Variants in SV2C observed in about 807,000 individuals in gnomAD.
SV2C encodes synaptic vesicle glycoprotein 2C.
Under a neutral mutation model 79.7 loss-of-function variants are expected in SV2C, and 49 were observed. The observed-to-expected ratio is 0.61, with a 90% CI of 0.49 to 0.78. The LOEUF (loss-of-function observed/expected upper bound fraction) is 0.78. SV2C is among the 30% of genes least tolerant of loss of function. SV2C has a pLI of 0.00. For missense variants in SV2C, 833 were observed against 912.9 expected, an observed-to-expected ratio of 0.91 and a Z score of 1.13; for synonymous variants, 334 against 333.2, an observed-to-expected ratio of 1.00 and a Z score of -0.03.
At chr5:75,956,074 C>T in the SV2C span, among the ~76,000 whole-genome samples, 1 of 141,948 alleles carries the variant, frequency 7.0e-6, no homozygotes, top group Admixed American at 7.1e-5. Context: ...ATAAATCATG[C>T]TGCTATAAAG....
At chr5:76,318,116 C>A (rs958557374) in intron 12 of SV2C, among the ~76,000 whole-genome samples, 6 of 152,128 alleles carry the variant, frequency 3.9e-5, no homozygotes. Context: ...CTTTTCCCCA[C>A]CACCAACTAA....
chr5:76,120,829 T>C (rs1035993560), intron 1 of SV2C, among the ~76,000 whole-genome samples: 51 of 150,486 alleles, frequency 3.4e-4, no homozygotes, highest in African/African-American at 1.1e-3. Context: ...AATAAACATA[T>C]GTGTGCATGT....
the SV2C span, among the ~76,000 whole-genome samples, chr5:76,049,024 A>AAAAAGAG: frequency 2.5e-5 from 3 of 120,520 alleles, no homozygotes; most frequent in Middle Eastern, 3.4e-3. Context: ...AGAAAGAAAG[A>AAAAAGAG]AAAAGAAAAG....
chr5:76,050,780 T>A, the SV2C span, among the ~76,000 whole-genome samples: 6 of 152,210 alleles, frequency 3.9e-5, no homozygotes. Flanking sequence ...CTGTAACAAT[T>A]CAGAATTGTA....
the SV2C span, among the ~76,000 whole-genome samples, chr5:75,974,153 T>G: frequency 6.6e-6 from 1 of 152,034 alleles, no homozygotes; most frequent in Non-Finnish European, 1.5e-5. Flanking sequence ...CCTGAGTTAA[T>G]GATGAGGTTT....
chr5:75,996,734 C>A, the SV2C span, among the ~76,000 whole-genome samples: 6 of 151,832 alleles, frequency 4.0e-5, no homozygotes, highest in African/African-American at 1.5e-4. Context: ...GTATTTTATT[C>A]TCTTTGAAGC....
At chr5:76,047,463 G>A in the SV2C span, among the ~76,000 whole-genome samples, 3 of 152,178 alleles carry the variant, frequency 2.0e-5, no homozygotes, top group Non-Finnish European at 4.4e-5. Flanking sequence ...TGTCTCCATG[G>A]AGTGAATAGA....
chr5:75,982,233 A>G, the SV2C span, among the ~76,000 whole-genome samples: 8 of 140,752 alleles, frequency 5.7e-5, no homozygotes, highest in African/African-American at 2.1e-4. Flanking sequence ...TTAAAAAAAT[A>G]AAAAGAAAAA....
the SV2C span, among the ~76,000 whole-genome samples, chr5:75,968,196 G>T: frequency 6.6e-6 from 1 of 151,976 alleles, no homozygotes. Flanking sequence ...AAAGACCAAA[G>T]CCACAAAGGT....
the SV2C span, among the ~76,000 whole-genome samples, chr5:76,026,821 C>T: frequency 1.2e-4 from 18 of 152,140 alleles, no homozygotes; most frequent in East Asian, 5.8e-4. Flanking sequence ...GGTGCTACAA[C>T]GGGAAAGATT....
At chr5:75,865,192 G>A in the SV2C span, among the ~76,000 whole-genome samples, 1 of 152,194 alleles carries the variant, frequency 6.6e-6, no homozygotes, top group African/African-American at 2.4e-5. Context: ...GTTATAAGCT[G>A]GGTCTATGAG....
chr5:76,077,084 A>G, the SV2C span, among the ~76,000 whole-genome samples: 6 of 152,246 alleles, frequency 3.9e-5, no homozygotes, highest in African/African-American at 1.4e-4. Flanking sequence ...AATAGTGGAT[A>G]AGTAGCAATA....
At chr5:75,861,429 C>T in the SV2C span, among the ~76,000 whole-genome samples, 1 of 152,178 alleles carries the variant, frequency 6.6e-6, no homozygotes, top group South Asian at 2.1e-4. Context: ...TTTCAAAGAA[C>T]TTAAAACAGA....
chr5:75,921,490 T>C, the SV2C span: 1 of 800,890 alleles, frequency 1.2e-6, no homozygotes. Flanking sequence ...GGGTTGAACT[T>C]AGGGTTCTTG....
At chr5:76,244,910 G>T (rs780410615) in intron 4 of SV2C, among the ~76,000 whole-genome samples, 9 of 152,232 alleles carry the variant, frequency 5.9e-5, no homozygotes, top group Non-Finnish European at 7.3e-5. Flanking sequence ...GTGGGGAAGT[G>T]AATACATTCA....
chr5:76,006,054 T>C, the SV2C span, among the ~76,000 whole-genome samples: 1 of 152,134 alleles, frequency 6.6e-6, no homozygotes, highest in East Asian at 1.9e-4. Context: ...ACGGAAGCAG[T>C]TTCCTCAGGG....
chr5:76,181,789 G>A (rs1208068191), intron 2 of SV2C, among the ~76,000 whole-genome samples: 3 of 152,190 alleles, frequency 2.0e-5, no homozygotes, highest in Non-Finnish European at 4.4e-5. Context: ...GGGACAAACA[G>A]CCAAACAATA....
chr5:76,111,761 A>G (rs1176912237), intron 1 of SV2C, among the ~76,000 whole-genome samples: 7 of 152,186 alleles, frequency 4.6e-5, no homozygotes, highest in Non-Finnish European at 5.9e-5. Flanking sequence ...CGTGTGAGTC[A>G]TGTTTGTTGG....
the SV2C span, among the ~76,000 whole-genome samples, chr5:76,036,132 G>A: frequency 1.3e-5 from 2 of 151,792 alleles, no homozygotes; most frequent in East Asian, 1.9e-4. Context: ...TTGAGCCTAT[G>A]TGTGTCTCTG....
Sources: allele counts gnomAD v4.1 joint callset (sites outside exome capture counted in the v4.1 genomes callset), GRCh38; gene constraint gnomAD v4.1.1; transcripts MANE v1.5; gene names NCBI Gene and HGNC (gene_info 2026-07-23, HGNC 2026-07-21).